Variants in XKR3 observed in about 807,000 individuals in gnomAD.
XKR3 encodes the protein XK related 3.
XKR3 carries 27 observed loss-of-function variants against 40.3 expected under a neutral mutation model. That is an observed-to-expected ratio of 0.67 (90% CI 0.49 to 0.92). The LOEUF (loss-of-function observed/expected upper bound fraction) is 0.92. XKR3 is among the 40% of genes least tolerant of loss of function. XKR3 has a pLI of 0.00. For missense variants in XKR3, 472 were observed against 537.6 expected (o/e 0.88, Z 1.21); for synonymous variants, 193 against 195.4 (o/e 0.99, Z 0.10).
rs553647636 is a variant in XKR3, at chr22:16,814,122, A to G, written c.-10-6039T>C. On this transcript the variant is annotated intron_variant, in intron 1 of 3. Coordinates refer to ENST00000684488, the MANE Select transcript of XKR3 (RefSeq NM_001386955.1). The stretch of plus-strand genomic sequence containing the variant: ...AAACGTTTGCGTAATCTAAGGTCAC[A>G]AAGATTAACGTCTACCTTTTTCTAG... Among the ~76,000 whole-genome samples, 15 of 152,352 alleles carry G rather than the reference A, an allele frequency of 9.8e-5. No homozygotes were observed. The East Asian group carries it at 2.5e-3, about 25-fold the overall frequency.
chr22:16,801,603 A>G (rs1424679845), intron 2 of XKR3, among the ~76,000 whole-genome samples: 1 of 152,196 alleles, frequency 6.6e-6, no homozygotes, highest in Non-Finnish European at 1.5e-5. Flanking sequence ...CAAATAGACT[A>G]AACGTACATG....
intron 1 of XKR3, among the ~76,000 whole-genome samples, chr22:16,812,564 A>G (rs1326821269): frequency 6.6e-6 from 1 of 152,036 alleles, no homozygotes; most frequent in Admixed American, 6.5e-5. Context: ...AATCCCAGCT[A>G]CTCAGGAGGC....
chr22:16,814,374 G>A (rs2060224827), intron 1 of XKR3, among the ~76,000 whole-genome samples: 1 of 152,052 alleles, frequency 6.6e-6, no homozygotes, highest in Admixed American at 6.5e-5. Flanking sequence ...CTATTTCATT[G>A]GTGTATTGTG....
chr22:16,807,570 G>C (rs986077748), intron 2 of XKR3, among the ~76,000 whole-genome samples, 169 bp downstream of exon 2: 1 of 152,096 alleles, frequency 6.6e-6, no homozygotes, highest in Non-Finnish European at 1.5e-5. Context: ...TATAACTGAT[G>C]ACAATTAAAT....
chr22:16,786,698 G>A lies in XKR3; in HGVS notation c.590-2289C>T, dbSNP rs757261251. Among the ~76,000 whole-genome samples the A allele has an allele frequency of 7.7e-3, 1,167 of 152,282 alleles. 10 individuals are homozygous for A. Among genetic ancestry groups the A allele is most frequent in the Middle Eastern group, 0.041 (12 of 294 alleles). On this transcript the variant is annotated intron_variant, in intron 3 of 3. Coordinates refer to ENST00000684488, the MANE Select transcript of XKR3 (RefSeq NM_001386955.1). The stretch of plus-strand genomic sequence containing the variant: ...GATTCCCCCTACTTCTACCAGGGCT[G>A]AAGCTATCATAGACTTAAAGACCTT...
chr22:16,814,480 A>G (rs1342219317), intron 1 of XKR3, among the ~76,000 whole-genome samples: 2 of 152,180 alleles, frequency 1.3e-5, no homozygotes, highest in Admixed American at 6.5e-5. Flanking sequence ...GTCCATAAGA[A>G]TAGTAGAATT....
chr22:16,807,202 C>T (rs144449726), intron 2 of XKR3, among the ~76,000 whole-genome samples: 1 of 152,080 alleles, frequency 6.6e-6, no homozygotes, highest in African/African-American at 2.4e-5. Context: ...ATTTACAGTA[C>T]TCATGCAAAT....
intron 1 of XKR3, among the ~76,000 whole-genome samples, chr22:16,812,867 T>C (rs977731972): frequency 8.5e-5 from 13 of 152,184 alleles, no homozygotes; most frequent in African/African-American, 2.4e-4. Flanking sequence ...TTTCTGTCTC[T>C]GTGGATTTGC....
chr22:16,790,895 G>GA (rs1231456180), intron 3 of XKR3, among the ~76,000 whole-genome samples: 946 of 56,916 alleles, frequency 0.017, 8 homozygotes, highest in Non-Finnish European at 0.031. Flanking sequence ...AAGAAACGTT[G>GA]AAAAAAAAAA....
Position 16,822,352 on chromosome 22 carries a change from G to A in XKR3, c.-11+2939C>T, listed in dbSNP as rs369867566. Among the ~76,000 whole-genome samples, 5 of 151,244 alleles carry A rather than the reference G, an allele frequency of 3.3e-5. No homozygotes were observed. The East Asian group carries it at 7.8e-4, about 24-fold the overall frequency. ...AGCAAGAACTAAAGTAACAGTAACAGCTAAGAAACCAACAAAGGCCATAAT... is the reference window on the plus strand; with the variant it reads ...AGCAAGAACTAAAGTAACAGTAACAACTAAGAAACCAACAAAGGCCATAAT... On this transcript the variant is annotated intron_variant, in intron 1 of 3. Coordinates refer to ENST00000684488, the MANE Select transcript of XKR3 (RefSeq NM_001386955.1).
rs544464117 is a variant in XKR3 at position 16,822,309 on chromosome 22, G to A, written c.-11+2982C>T. On this transcript the variant is annotated intron_variant, in intron 1 of 3. Coordinates refer to ENST00000684488, the MANE Select transcript of XKR3 (RefSeq NM_001386955.1). ...AGGTAGGTTGTGGTAAATTTGAGAT[G>A]TACACTACAAACCTCAAAGCAAGAA... 3.3e-5 allele frequency among the ~76,000 whole-genome samples: 5 copies of A among 151,858 alleles called. No individual in the cohort carries two copies. The South Asian group carries it at 1.0e-3, about 31-fold the overall frequency.
At chr22:16,813,056 G>A (rs569742299) in intron 1 of XKR3, among the ~76,000 whole-genome samples, 28 of 152,150 alleles carry the variant, frequency 1.8e-4, no homozygotes, top group Admixed American at 3.9e-4. Context: ...AGGCCGAGGC[G>A]GGTGGATCAC....
At chr22:16,804,285 A>G (rs567776496) in intron 2 of XKR3, among the ~76,000 whole-genome samples, 1 of 152,276 alleles carries the variant, frequency 6.6e-6, no homozygotes, top group Non-Finnish European at 1.5e-5. Context: ...TGCCCTACAA[A>G]CCATAAATTC....
At chr22:16,792,751 C>T (rs2060125670) in intron 3 of XKR3, among the ~76,000 whole-genome samples, 2 of 152,142 alleles carry the variant, frequency 1.3e-5, no homozygotes, top group African/African-American at 4.8e-5. Context: ...TAATAAAATA[C>T]TGTATATTTC....
intron 3 of XKR3, among the ~76,000 whole-genome samples, chr22:16,789,256 A>G (rs2060103958): frequency 1.3e-5 from 2 of 152,202 alleles, no homozygotes; most frequent in Admixed American, 1.3e-4. Context: ...ATTATATGGA[A>G]ATCCCTAAAC....
At chr22:16,811,457 A>G (rs752646279) in intron 1 of XKR3, among the ~76,000 whole-genome samples, 11 of 152,086 alleles carry the variant, frequency 7.2e-5, no homozygotes, top group Non-Finnish European at 1.6e-4. Flanking sequence ...CACAGACTTA[A>G]TTTCTGTAAC....
At chr22:16,819,121 A>G (rs948702744) in intron 1 of XKR3, among the ~76,000 whole-genome samples, 1 of 152,156 alleles carries the variant, frequency 6.6e-6, no homozygotes, top group Non-Finnish European at 1.5e-5. Context: ...TGAAACATAT[A>G]AAACACTGGT....
Position 16,808,198 on chromosome 22 carries a change from A to G in XKR3, c.-10-115T>C. On this transcript the variant is annotated intron_variant, in intron 1 of 3. Transcript: ENST00000684488. ...ATTCATAGAAAATGTTAACAGGTAG[A>G]TATGGATCACTAATCAGAATAGAAA... 2 of 726,474 alleles carry G rather than the reference A, an allele frequency of 2.8e-6. 1 individual carries two copies. Among genetic ancestry groups the G allele is most frequent in the South Asian group, 5.3e-5 (2 of 37,972 alleles). The allele number at this position is 726,474 out of a possible 1,614,324, so 45.0% of individuals were successfully genotyped here.
intron 3 of XKR3, among the ~76,000 whole-genome samples, chr22:16,791,680 A>G (rs1458346743): frequency 1.3e-5 from 2 of 151,150 alleles, no homozygotes; most frequent in Non-Finnish European, 3.0e-5. Context: ...TCGATGTAAA[A>G]AAAAAATAGA....
Sources: gnomAD v4.1 joint callset for allele counts (sites outside exome capture counted in the v4.1 genomes callset) on GRCh38, gnomAD v4.1.1 for gene constraint, MANE v1.5 for transcripts, NCBI Gene and HGNC (gene_info 2026-07-23, HGNC 2026-07-21) for gene names.